AHCYL2: variants seen among roughly 807,000 people sequenced by gnomAD.
AHCYL2 encodes adenosylhomocysteinase like 2.
Under a neutral mutation model 81.4 loss-of-function variants are expected in AHCYL2, and 28 were observed. The ratio of observed to expected loss-of-function variants is 0.34; its 90% confidence interval spans 0.25 to 0.47. The LOEUF (loss-of-function observed/expected upper bound fraction) is 0.47. Ranked by LOEUF, AHCYL2 falls within the 20% of genes least tolerant of loss-of-function variation. AHCYL2 has a pLI of 1.00. For missense variants in AHCYL2, 551 were observed against 785.1 expected (o/e 0.70, Z 3.56); for synonymous variants, 272 against 290.2 (o/e 0.94, Z 0.64).
chr7:129,362,157 T>C (rs1444526019), intron 1 of AHCYL2, among the ~76,000 whole-genome samples: 1 of 152,152 alleles, frequency 6.6e-6, no homozygotes, highest in Non-Finnish European at 1.5e-5. Context: ...AAGATACTGT[T>C]ATCCTGATTT....
At position 129,406,520 on chromosome 7, in the gene AHCYL2, T is replaced by C; in HGVS notation, c.1295+54T>C. ...CAATCTCGGAGCTGTCTCCAAAGAA[T>C]GGCCTGGTTGATGCCACACTTTATT... On this transcript the variant is annotated intron_variant, in intron 10 of 16. Coordinates refer to ENST00000325006, the MANE Select transcript of AHCYL2 (RefSeq NM_015328.4). The surrounding 1 kb of genome is among the most constrained non-coding windows in gnomAD (Gnocchi z 4.3). The C allele has an allele frequency of 9.7e-6, 15 of 1,544,522 alleles. No homozygotes were observed. The highest frequency in any genetic ancestry group is 1.3e-5 in the Non-Finnish European group (15 of 1,116,798).
chr7:129,249,363 A>C (rs969880550), intron 1 of AHCYL2, among the ~76,000 whole-genome samples: 1 of 151,846 alleles, frequency 6.6e-6, no homozygotes, highest in Non-Finnish European at 1.5e-5. Flanking sequence ...TACCATTACC[A>C]CTATCTATAC....
chr7:129,336,809 C>T (rs1262520393), intron 1 of AHCYL2, among the ~76,000 whole-genome samples: 3 of 151,996 alleles, frequency 2.0e-5, no homozygotes, highest in East Asian at 1.9e-4. Context: ...TGCAGTGGCA[C>T]GATCACAGCT....
rs969465582 is a variant in AHCYL2 at position 129,427,075 on chromosome 7, G to A, written c.*30G>A. On this transcript the variant is annotated 3_prime_UTR_variant, in exon 17 of 17. Transcript: ENST00000325006. This position sits in a 1 kb window ranked among gnomAD's most constrained non-coding sequence, Gnocchi z 5.5. ...CTGTAACTCAAACCAGAATTTTTAA[G>A]GAATAGAACTCCAAGCCTTTTCTCC... The A allele has an allele frequency of 1.3e-6, 2 of 1,590,400 alleles. No homozygotes were observed. The highest frequency in any genetic ancestry group is 1.7e-6 in the Non-Finnish European group (2 of 1,158,966).
intron 1 of AHCYL2, among the ~76,000 whole-genome samples, chr7:129,271,217 T>A (rs1055838568): frequency 1.3e-5 from 2 of 151,490 alleles, no homozygotes; most frequent in African/African-American, 4.9e-5. Flanking sequence ...AAAAATTAGC[T>A]GGGCGTGGTG....
intron 1 of AHCYL2, among the ~76,000 whole-genome samples, chr7:129,318,352 C>T (rs1797897188): frequency 6.6e-6 from 1 of 152,206 alleles, no homozygotes. Flanking sequence ...GCCTCATGCT[C>T]TTGAGTAGCT....
Position 129,302,800 on chromosome 7 carries a change from A to T in AHCYL2, c.364-76838A>T, listed in dbSNP as rs138474745. On this transcript the variant is annotated intron_variant, in intron 1 of 16. Coordinates refer to ENST00000325006, the MANE Select transcript of AHCYL2 (RefSeq NM_015328.4). ...GGATTTTTACATAAATGTTCATCAG[A>T]GCCTGTAGTTTTCTTTTTTTGGTGT... 7.2e-5 allele frequency among the ~76,000 whole-genome samples: 11 copies of T among 152,148 alleles called. No individual in the cohort carries two copies. In the East Asian group the frequency reaches 2.1e-3, roughly 29 times the overall value.
rs1001722407 is a variant in AHCYL2 at position 129,429,545 on chromosome 7, C to G, written c.*2500C>G. 2 of 152,150 alleles carry G rather than the reference C, an allele frequency of 1.3e-5. No individual in the cohort carries two copies. Among genetic ancestry groups the G allele is most frequent in the African/African-American group, 4.8e-5 (2 of 41,388 alleles). 9.4% of individuals were successfully genotyped at this position (152,150 alleles called of 1,614,324 possible). A position where few individuals can be genotyped will look rare whatever the true frequency, so the allele number is the denominator to read the frequency against. Reference sequence around the variant, plus strand: ...CTTCTTTCTTTCTTTTCTTTTCACCCTTAGAGACAGGGTTTCACTATGTTG... The same window carrying G: ...CTTCTTTCTTTCTTTTCTTTTCACCGTTAGAGACAGGGTTTCACTATGTTG... On this transcript the variant is annotated 3_prime_UTR_variant, in exon 17 of 17. Transcript: ENST00000325006.
At chr7:129,344,631 C>T (rs956215860) in intron 1 of AHCYL2, among the ~76,000 whole-genome samples, 4 of 151,882 alleles carry the variant, frequency 2.6e-5, no homozygotes, top group African/African-American at 9.7e-5. Flanking sequence ...CTGAAGTAAC[C>T]AAAAATTATA....
chr7:129,417,128 C>CA (rs1386860079), intron 12 of AHCYL2, among the ~76,000 whole-genome samples: 5 of 151,496 alleles, frequency 3.3e-5, no homozygotes, highest in Non-Finnish European at 7.4e-5. Flanking sequence ...CTGACTCCGG[C>CA]AAAAAAAATT....
chr7:129,245,212 A>G, intron 1 of AHCYL2, among the ~76,000 whole-genome samples: 2 of 152,024 alleles, frequency 1.3e-5, no homozygotes, highest in South Asian at 4.2e-4. Flanking sequence ...TTTAGTAGAG[A>G]TGGGGTTTCA....
chr7:129,299,366 C>CTTGTTTT (rs1563186611), intron 1 of AHCYL2, among the ~76,000 whole-genome samples: 1 of 83,732 alleles, frequency 1.2e-5, no homozygotes, highest in Non-Finnish European at 2.3e-5. Flanking sequence ...GAGAGTCCAA[C>CTTGTTTT]TTGTTTTTTT....
rs146836485 is a variant in AHCYL2, at chr7:129,270,502, T to G, written c.363+45063T>G. Among the ~76,000 whole-genome samples the G allele has an allele frequency of 4.3e-3, 658 of 152,314 alleles. 9 individuals are homozygous for G. Among genetic ancestry groups the G allele is most frequent in the African/African-American group, 0.015 (627 of 41,556 alleles). On this transcript the variant is annotated intron_variant, in intron 1 of 16. Transcript: ENST00000325006. ...CAAAGGGGGAAAGAACACTCAAGAT[T>G]CCTAGTCATATGCCAGATAAATATA...
intron 1 of AHCYL2, among the ~76,000 whole-genome samples, chr7:129,320,172 G>GGT (rs992710336): frequency 2.6e-5 from 4 of 151,736 alleles, no homozygotes; most frequent in Admixed American, 2.6e-4. Context: ...TAAAAGTGTG[G>GGT]GTGTCTTTTT....
intron 1 of AHCYL2, among the ~76,000 whole-genome samples, chr7:129,331,210 T>C (rs919989598): frequency 6.6e-6 from 1 of 152,194 alleles, no homozygotes; most frequent in African/African-American, 2.4e-5. Flanking sequence ...ACGAACATTT[T>C]TATACACCCT....
At position 129,369,259 on chromosome 7, in the gene AHCYL2, T is replaced by C. The variant is rs1243375616; in HGVS notation, c.364-10379T>C. 2.6e-5 allele frequency among the ~76,000 whole-genome samples: 4 copies of C among 152,254 alleles called. No individual in the cohort carries two copies. The East Asian group carries it at 5.8e-4, about 22-fold the overall frequency. ...CCTTATGTTTCTAAATAGTTTCTTC[T>C]AGATTTAGCCTGATTTCTTACAGCC... On this transcript the variant is annotated intron_variant, in intron 1 of 16. Transcript: ENST00000325006.
chr7:129,333,330 A>AAT (rs1483156040), intron 1 of AHCYL2, among the ~76,000 whole-genome samples: 7 of 149,602 alleles, frequency 4.7e-5, no homozygotes, highest in African/African-American at 1.7e-4. Flanking sequence ...AAAAAAAAAA[A>AAT]TTTTTTTTTA....
intron 1 of AHCYL2, among the ~76,000 whole-genome samples, chr7:129,350,714 C>CTTT (rs56115169): frequency 8.2e-6 from 1 of 122,134 alleles, no homozygotes; most frequent in South Asian, 2.5e-4. Context: ...TTCTTTCTTT[C>CTTT]TTTTTTTTTT....
chr7:129,352,419 C>T (rs1793599639), intron 1 of AHCYL2, among the ~76,000 whole-genome samples: 1 of 148,842 alleles, frequency 6.7e-6, no homozygotes, highest in Admixed American at 6.7e-5. Context: ...TCCAGACTCT[C>T]ACTCTACCTA....
Sources: allele counts gnomAD v4.1 joint callset (sites outside exome capture counted in the v4.1 genomes callset), GRCh38; gene constraint gnomAD v4.1.1; non-coding constraint Gnocchi (gnomAD v3.1); transcripts MANE v1.5; gene names NCBI Gene and HGNC (gene_info 2026-07-23, HGNC 2026-07-21).